VPS13A: variants seen among roughly 807,000 people sequenced by gnomAD.
VPS13A encodes the protein intermembrane lipid transfer protein VPS13A.
In VPS13A, 264 loss-of-function variants were observed where a neutral mutation model predicts 390.9. That is an observed-to-expected ratio of 0.68 (90% CI 0.61 to 0.75). The LOEUF (loss-of-function observed/expected upper bound fraction) is 0.75. Among genes scored for constraint, VPS13A ranks in the 30% least tolerant of loss-of-function variants. VPS13A has a pLI of 0.00. For missense variants in VPS13A, 3,409 were observed against 3,733.9 expected (o/e 0.91, Z 2.27); for synonymous variants, 1,231 against 1,227.1 (o/e 1.00, Z -0.07).
chr9:77,328,079 A>G (rs1341131313), intron 45 of VPS13A, among the ~76,000 whole-genome samples: 1 of 152,224 alleles, frequency 6.6e-6, no homozygotes, highest in East Asian at 1.9e-4. Context: ...ACAATGTTAC[A>G]TATAATATTA....
chr9:77,177,595 G>A lies in VPS13A; in HGVS notation c.-110G>A. 9.7e-7 allele frequency: 1 copy of A among 1,036,120 alleles called. No homozygotes were observed. Among genetic ancestry groups the A allele is most frequent in the Non-Finnish European group, 1.5e-6 (1 of 689,544 alleles). 64.2% of individuals were successfully genotyped at this position (1,036,120 alleles called of 1,614,324 possible). A position where few individuals can be genotyped will look rare whatever the true frequency, so the allele number is the denominator to read the frequency against. Reference sequence around the variant, plus strand: ...TTGGGCCAGCGGGGGCGCCGCAGCTGAAGCCGCCCCGGAGCCGGTGAACCG... The same window carrying A: ...TTGGGCCAGCGGGGGCGCCGCAGCTAAAGCCGCCCCGGAGCCGGTGAACCG... On this transcript the variant is annotated 5_prime_UTR_variant, in exon 1 of 72. Coordinates refer to ENST00000360280, the MANE Select transcript of VPS13A (RefSeq NM_033305.3).
intron 52 of VPS13A, among the ~76,000 whole-genome samples, chr9:77,346,751 G>A (rs181369887): frequency 3.9e-5 from 6 of 152,278 alleles, no homozygotes; most frequent in Non-Finnish European, 7.4e-5. Flanking sequence ...GCTTGCCCAC[G>A]ATCCCAGTAC....
rs141358515 is a variant in VPS13A, at chr9:77,298,964, A to G, written c.3812+3118A>G. On this transcript the variant is annotated intron_variant, in intron 33 of 71. Coordinates refer to ENST00000360280, the MANE Select transcript of VPS13A (RefSeq NM_033305.3). ...GCTTGTGAGGAAGGGGTCCAGTTTCAGTTTTCTGCAAATGGCTAGCCAGTT... is the reference window on the plus strand; with the variant it reads ...GCTTGTGAGGAAGGGGTCCAGTTTCGGTTTTCTGCAAATGGCTAGCCAGTT... 8.5e-3 allele frequency among the ~76,000 whole-genome samples: 1,289 copies of G among 152,178 alleles called. 10 individuals carry two copies. The highest frequency in any genetic ancestry group is 0.014 in the South Asian group (67 of 4,828).
At chr9:77,380,535 C>T (rs929503915) in intron 67 of VPS13A, among the ~76,000 whole-genome samples, 1 of 152,126 alleles carries the variant, frequency 6.6e-6, no homozygotes, top group Non-Finnish European at 1.5e-5. Flanking sequence ...TGATCTCGAA[C>T]TCCTGACCTC....
chr9:77,336,802 C>CTTTTTTTTTTTTTTTT (rs1221241397), intron 46 of VPS13A, among the ~76,000 whole-genome samples: 2 of 107,988 alleles, frequency 1.9e-5, no homozygotes, highest in Non-Finnish European at 3.7e-5. Context: ...ATTTATCTAT[C>CTTTTTTTTTTTTTTTT]TTTTTTTTTT....
chr9:77,214,856 A>G (rs753655636), intron 10 of VPS13A, among the ~76,000 whole-genome samples: 2 of 151,346 alleles, frequency 1.3e-5, no homozygotes, highest in Non-Finnish European at 3.0e-5. Context: ...CTAAAACAGA[A>G]AGAAAAAAAT....
intron 31 of VPS13A, among the ~76,000 whole-genome samples, chr9:77,290,482 G>A (rs1008687109): frequency 6.6e-6 from 1 of 151,822 alleles, no homozygotes; most frequent in Admixed American, 6.6e-5. Context: ...CTTTGCCTCT[G>A]TCTCCCTTTC....
chr9:77,382,467 G>A, intron 68 of VPS13A: 1 of 1,351,252 alleles, frequency 7.4e-7, no homozygotes, highest in Non-Finnish European at 9.5e-7. Context: ...GGTGTTCTTA[G>A]TTCTGCACTG....
In VPS13A at chr9:77,205,052, G is replaced by T. The variant is rs566929526; in HGVS notation, c.188-261G>T. ...AACATTGTTTTGTTTATGGTACAGA[G>T]AACTGTAAATAGAAACTTGTATATT... On this transcript the variant is annotated intron_variant, in intron 3 of 71. Coordinates refer to ENST00000360280, the MANE Select transcript of VPS13A (RefSeq NM_033305.3). 2.0e-5 allele frequency among the ~76,000 whole-genome samples: 3 copies of T among 152,238 alleles called. No homozygotes were observed. The South Asian group carries it at 6.2e-4, about 32-fold the overall frequency.
At chr9:77,195,679 G>A (rs1238963619) in intron 1 of VPS13A, among the ~76,000 whole-genome samples, 1 of 152,164 alleles carries the variant, frequency 6.6e-6, no homozygotes, top group Non-Finnish European at 1.5e-5. Context: ...GGAGGTTGCA[G>A]TGAGCTGAGA....
chr9:77,178,811 AGTGT>A (rs1564609936), intron 1 of VPS13A, among the ~76,000 whole-genome samples: 1 of 152,162 alleles, frequency 6.6e-6, no homozygotes, highest in Non-Finnish European at 1.5e-5. Context: ...TTGTGTGTGA[AGTGT>A]GTGTGTTTAA....
At chr9:77,351,538 CT>C (rs1831467413) in intron 53 of VPS13A, 92 bp downstream of exon 53, 2 of 1,505,030 alleles carry the variant, frequency 1.3e-6, no homozygotes, top group Non-Finnish European at 1.8e-6. Context: ...AATCCCAGCA[CT>C]TTTGGGAGGC....
chr9:77,265,988 T>G (rs998251727), intron 23 of VPS13A, among the ~76,000 whole-genome samples: 1 of 152,210 alleles, frequency 6.6e-6, no homozygotes, highest in Admixed American at 6.5e-5. Context: ...CCAGAGATTC[T>G]GGTTGTGTCT....
chr9:77,179,800 CTCATTCCGGAATATT>C (rs1823898629), intron 1 of VPS13A, among the ~76,000 whole-genome samples: 1 of 151,310 alleles, frequency 6.6e-6, no homozygotes, highest in Non-Finnish European at 1.5e-5. Flanking sequence ...TCACCACTCT[CTCATTCCGGAATATT>C]TCAGCACCCC....
chr9:77,244,425 CT>C (rs1824688829), intron 19 of VPS13A, among the ~76,000 whole-genome samples: 1 of 152,094 alleles, frequency 6.6e-6, no homozygotes, highest in African/African-American at 2.4e-5. Flanking sequence ...CTCTCTAAAA[CT>C]TTCTGGAAAT....
intron 1 of VPS13A, among the ~76,000 whole-genome samples, chr9:77,193,656 A>T (rs1486304700): frequency 6.6e-6 from 1 of 152,176 alleles, no homozygotes; most frequent in Non-Finnish European, 1.5e-5. Context: ...TATATAAAAT[A>T]AGAACCATTG....
chr9:77,276,294 C>G, intron 26 of VPS13A, 73 bp downstream of exon 26: 1 of 1,324,400 alleles, frequency 7.6e-7, no homozygotes, highest in Non-Finnish European at 1.0e-6. Context: ...GTTTTCAATT[C>G]TTTAGGCTCT....
chr9:77,399,201 A>C (rs1834267325), intron 68 of VPS13A, among the ~76,000 whole-genome samples: 14 of 98,968 alleles, frequency 1.4e-4, no homozygotes, highest in African/African-American at 4.4e-4. Context: ...AAAAAAAAAA[A>C]AAAACAAAGG....
At chr9:77,364,671 G>A (rs1832338103) in intron 59 of VPS13A, among the ~76,000 whole-genome samples, 1 of 152,266 alleles carries the variant, frequency 6.6e-6, no homozygotes, top group East Asian at 1.9e-4. Context: ...AGAGGGAATG[G>A]CCTTTGTTAA....
Sources: gnomAD v4.1 joint callset for allele counts (sites outside exome capture counted in the v4.1 genomes callset) on GRCh38, gnomAD v4.1.1 for gene constraint, MANE v1.5 for transcripts, NCBI Gene and HGNC (gene_info 2026-07-23, HGNC 2026-07-21) for gene names.